Variants in SPOP observed in about 807,000 individuals in gnomAD.
SPOP encodes the protein speckle-type POZ protein.
Under a neutral mutation model 45.6 loss-of-function variants are expected in SPOP, and 11 were observed. The observed-to-expected ratio is 0.24, with a 90% confidence interval of 0.15 to 0.40. SPOP has a LOEUF of 0.40. Ranked by LOEUF, SPOP falls within the 10% of genes least tolerant of loss-of-function variation. SPOP has a pLI of 1.00. For synonymous variants in SPOP, 166 were observed against 166.3 expected (o/e 1.00, Z 0.01); for missense variants, 152 against 465.6 (o/e 0.33, Z 6.20).
intron 6 of SPOP, 37 bp downstream of exon 6, chr17:49,611,243 A>G (rs773015587): frequency 6.3e-7 from 1 of 1,589,956 alleles, no homozygotes; most frequent in Non-Finnish European, 8.6e-7. Flanking sequence ...TCCTTATTTC[A>G]CCAAAACTAT....
chr17:49,609,992 G>A (rs1176407913), intron 6 of SPOP, among the ~76,000 whole-genome samples: 3 of 152,274 alleles, frequency 2.0e-5, no homozygotes, highest in Admixed American at 1.3e-4. Flanking sequence ...GGTGAGGTAA[G>A]AAGCAAGAGT....
chr17:49,629,428 A>G (rs1213284214), intron 1 of SPOP, among the ~76,000 whole-genome samples: 1 of 152,172 alleles, frequency 6.6e-6, no homozygotes, highest in Non-Finnish European at 1.5e-5. Flanking sequence ...ACAAAGCCCA[A>G]AACTCCCAGC....
In SPOP at chr17:49,611,262, T is replaced by C; in HGVS notation, c.658+18A>G. On this transcript the variant is annotated intron_variant, in intron 6 of 9. Coordinates refer to ENST00000504102, the MANE Select transcript of SPOP (RefSeq NM_001007228.2). ...TATTTCACCAAAACTATAAAATTCC[T>C]CATGAATAAATACCAACCTGCTAAG... is the stretch of plus-strand genomic sequence containing the variant. The C allele has an allele frequency of 6.2e-7, 1 of 1,601,954 alleles. No individual in the cohort carries two copies. Among genetic ancestry groups the C allele is most frequent in the Non-Finnish European group, 8.5e-7 (1 of 1,173,904 alleles).
chr17:49,624,325 GCGCGCGCA>G (rs2072281553), intron 1 of SPOP, among the ~76,000 whole-genome samples: 1 of 94,786 alleles, frequency 1.1e-5, no homozygotes, highest in East Asian at 2.8e-4. Context: ...ACACACGCGC[GCGCGCGCA>G]CACACACACA....
chr17:49,637,259 TTCCTTTATC>T, intron 1 of SPOP, among the ~76,000 whole-genome samples: 1 of 152,178 alleles, frequency 6.6e-6, no homozygotes, highest in East Asian at 1.9e-4. Flanking sequence ...AAAATTACCA[TTCCTTTATC>T]TCACTAGCTC....
Position 49,600,535 on chromosome 17 carries a change from T to A in SPOP, c.981-13A>T. On this transcript the variant is annotated splice_polypyrimidine_tract_variant and intron_variant, in intron 9 of 9. Transcript: ENST00000504102. The surrounding 1 kb of genome is among the most constrained non-coding windows in gnomAD (Gnocchi z 4.2). ...ATCCGAAGCATGACTAGGAGAAATGTGGAGAAATGGGTTACCAAAGGGAGT... is the reference window on the plus strand; with the variant it reads ...ATCCGAAGCATGACTAGGAGAAATGAGGAGAAATGGGTTACCAAAGGGAGT... 4 of 1,613,932 alleles carry A rather than the reference T, an allele frequency of 2.5e-6. No individual in the cohort carries two copies. Among genetic ancestry groups the A allele is most frequent in the Non-Finnish European group, 3.4e-6 (4 of 1,179,960 alleles).
At chr17:49,653,186 C>G (rs2072864314) in intron 1 of SPOP, among the ~76,000 whole-genome samples, 1 of 152,058 alleles carries the variant, frequency 6.6e-6, no homozygotes, top group Non-Finnish European at 1.5e-5. Flanking sequence ...CCTTTGGAAA[C>G]ACTGTTAAAA....
rs534444795 is a variant in SPOP at position 49,677,665 on chromosome 17, G to A, written c.-67+268C>T. Among the ~76,000 whole-genome samples, 30 of 152,304 alleles carry A rather than the reference G, an allele frequency of 2.0e-4. No homozygotes were observed. In the South Asian group the frequency reaches 5.8e-3, roughly 29 times the overall value. On this transcript the variant is annotated intron_variant, in intron 1 of 9. Coordinates refer to ENST00000504102, the MANE Select transcript of SPOP (RefSeq NM_001007228.2). ...CAGGCGACAGCTCAGTATTTGGCAAGGGGGATGGGGCTGGGAAATGATGGG... is the reference window on the plus strand; with the variant it reads ...CAGGCGACAGCTCAGTATTTGGCAAAGGGGATGGGGCTGGGAAATGATGGG...
chr17:49,647,136 C>CA lies in SPOP; in HGVS notation c.-66-24261dup, dbSNP rs1015879783. 6.2e-4 allele frequency among the ~76,000 whole-genome samples: 90 copies of CA among 146,020 alleles called. 1 individual carries two copies. Among genetic ancestry groups the CA allele is most frequent in the Non-Finnish European group, 8.6e-4 (57 of 65,984 alleles). On this transcript the variant is annotated intron_variant, in intron 1 of 9. Transcript: ENST00000504102. ...AGAACCCTGTCTCTATTAAAAAATA[C>CA]AAAAAAAAAATTAGCCAGGTGTGGT...
At chr17:49,674,932 C>G (rs1411526952) in intron 1 of SPOP, among the ~76,000 whole-genome samples, 1 of 152,152 alleles carries the variant, frequency 6.6e-6, no homozygotes. Flanking sequence ...CACAACTCTT[C>G]AGTGAAATGA....
intron 1 of SPOP, among the ~76,000 whole-genome samples, chr17:49,631,645 T>C (rs966701998): frequency 4.6e-5 from 7 of 152,208 alleles, no homozygotes; most frequent in Admixed American, 2.0e-4. Context: ...CTTTTCATCA[T>C]GACCACCATG....
intron 1 of SPOP, among the ~76,000 whole-genome samples, chr17:49,675,206 T>C (rs1386907277): frequency 2.6e-5 from 4 of 152,198 alleles, no homozygotes; most frequent in Non-Finnish European, 5.9e-5. Flanking sequence ...GAATTAATTG[T>C]ATCACTGGAA....
chr17:49,611,743 T>C (rs2071978780), intron 5 of SPOP, among the ~76,000 whole-genome samples: 1 of 152,154 alleles, frequency 6.6e-6, no homozygotes. Context: ...ACTACAAACC[T>C]GGGCAAAGGT....
chr17:49,607,196 C>T, intron 8 of SPOP, 54 bp downstream of exon 8: 9 of 1,609,916 alleles, frequency 5.6e-6, no homozygotes, highest in Non-Finnish European at 7.6e-6. Flanking sequence ...GTTCATGAAA[C>T]ACAAGAAGTC....
At chr17:49,618,743 C>T (rs763442517) in intron 5 of SPOP, among the ~76,000 whole-genome samples, 4 of 152,182 alleles carry the variant, frequency 2.6e-5, no homozygotes, top group Non-Finnish European at 4.4e-5. Flanking sequence ...AAAACTGACA[C>T]ATACCAAGGT....
intron 1 of SPOP, among the ~76,000 whole-genome samples, chr17:49,633,181 G>A (rs528910305): frequency 2.1e-4 from 32 of 152,240 alleles, no homozygotes; most frequent in African/African-American, 7.7e-4. Flanking sequence ...ATGATTGTGA[G>A]GATTAGATAT....
intron 5 of SPOP, among the ~76,000 whole-genome samples, chr17:49,616,299 TC>T (rs2072084695): frequency 6.6e-6 from 1 of 152,238 alleles, no homozygotes; most frequent in Non-Finnish European, 1.5e-5. Flanking sequence ...AGCACCAGAA[TC>T]CCTATGAAAC....
Position 49,673,869 on chromosome 17 carries a change from G to A in SPOP, c.-67+4064C>T, listed in dbSNP as rs542718099. Reference sequence around the variant, plus strand: ...TACAACAAGATTACATCTTTGGGCCGGGCGTGGTGGCTCAGGCCTGTAATC... The same window carrying A: ...TACAACAAGATTACATCTTTGGGCCAGGCGTGGTGGCTCAGGCCTGTAATC... On this transcript the variant is annotated intron_variant, in intron 1 of 9. Coordinates refer to ENST00000504102, the MANE Select transcript of SPOP (RefSeq NM_001007228.2). Among the ~76,000 whole-genome samples, 7 of 152,236 alleles carry A rather than the reference G, an allele frequency of 4.6e-5. No homozygotes were observed. The South Asian group carries it at 8.3e-4, about 18-fold the overall frequency.
At chr17:49,659,132 A>T (rs2072953579) in intron 1 of SPOP, among the ~76,000 whole-genome samples, 1 of 152,254 alleles carries the variant, frequency 6.6e-6, no homozygotes, top group Non-Finnish European at 1.5e-5. Context: ...CAGAGATCCT[A>T]ACAGGTCAGA....
Sources: allele counts gnomAD v4.1 joint callset (sites outside exome capture counted in the v4.1 genomes callset), GRCh38; gene constraint gnomAD v4.1.1; non-coding constraint Gnocchi (gnomAD v3.1); transcripts MANE v1.5; gene names NCBI Gene and HGNC (gene_info 2026-07-23, HGNC 2026-07-21).